The following ADTRP variants were observed in gnomAD, a reference collection of about 807,000 sequenced individuals.
The protein encoded by ADTRP is androgen dependent TFPI regulating protein, also known as androgen-dependent TFPI-regulating protein.
In ADTRP, 20 loss-of-function variants were observed where a neutral mutation model predicts 27.0. That is an observed-to-expected ratio of 0.74 (90% CI 0.52 to 1.08). The LOEUF is 1.08. ADTRP is among the 50% of genes least tolerant of loss of function. The probability of loss-of-function intolerance (pLI) is 0.00; values close to 1 mark genes in which losing one functional copy is unlikely to be tolerated. For missense variants in ADTRP, 251 were observed against 275.0 expected, an observed-to-expected ratio of 0.91 and a Z score of 0.62; for synonymous variants, 101 against 105.2, an observed-to-expected ratio of 0.96 and a Z score of 0.25.
At chr6:11,721,199 T>C (rs1762014357) in intron 5 of ADTRP, among the ~76,000 whole-genome samples, 1 of 152,150 alleles carries the variant, frequency 6.6e-6, no homozygotes, top group African/African-American at 2.4e-5. Flanking sequence ...TGCATGAGTA[T>C]GAACCAGGCA....
chr6:11,754,615 G>A (rs1404588615), intron 3 of ADTRP, among the ~76,000 whole-genome samples: 5 of 152,218 alleles, frequency 3.3e-5, no homozygotes, highest in Non-Finnish European at 5.9e-5. Flanking sequence ...CCTGGAGGTG[G>A]GAGGAAGACA....
chr6:11,717,856 G>A (rs1466877126), intron 5 of ADTRP, among the ~76,000 whole-genome samples: 1 of 152,236 alleles, frequency 6.6e-6, no homozygotes, highest in Non-Finnish European at 1.5e-5. Context: ...AAGGCAAAAT[G>A]GAGATAAATT....
At chr6:11,770,200 T>TCACAAAC (rs1441545243) in intron 1 of ADTRP, 6 of 945,520 alleles carry the variant, frequency 6.3e-6, no homozygotes, top group Non-Finnish European at 9.8e-6. Context: ...AACGACCACT[T>TCACAAAC]CACAAACCAC....
At position 11,723,384 on chromosome 6, in the gene ADTRP, T is replaced by C. The variant is rs759504746; in HGVS notation, c.623A>G (p.Tyr208Cys). The C allele has an allele frequency of 1.5e-5, 25 of 1,614,042 alleles. No homozygotes were observed. In the Middle Eastern group the frequency reaches 4.9e-4, roughly 32 times the overall value. Residue 208 changes from tyrosine to cysteine, a missense_variant, in exon 5 of 6, where the codon TAC (tyrosine) becomes TGC (cysteine). Transcript: ENST00000414691. Reference protein sequence around the residue: ...SLSYVFIASIYLLGEKLNHWK... With the variant: ...SLSYVFIASICLLGEKLNHWK... The stretch of plus-strand genomic sequence containing the variant: ...GTGGTTGAGCTTCTCTCCAAGTAGG[T>C]AGATGCTGGCGATGAAGACGTAGCT...
chr6:11,768,118 G>C (rs187452465), intron 2 of ADTRP, 131 bp downstream of exon 2: 1 of 1,141,764 alleles, frequency 8.8e-7, no homozygotes, highest in Admixed American at 2.3e-5. Flanking sequence ...GCAGTCCTCA[G>C]ACAGGACATT....
rs183127617 is a variant in ADTRP at position 11,757,237 on chromosome 6, G to A, written c.390+9037C>T. ...TGATTTTTTTTAGTAAGTCATGGAA[G>A]TGATTCCAACGCTAACCCACCCTAT... On this transcript the variant is annotated intron_variant, in intron 3 of 5. Transcript: ENST00000414691. Among the ~76,000 whole-genome samples the A allele has an allele frequency of 3.5e-4, 53 of 152,244 alleles. 1 individual carries two copies. The East Asian group carries it at 4.8e-3, about 14-fold the overall frequency.
chr6:11,725,008 C>T (rs111737564), intron 4 of ADTRP, among the ~76,000 whole-genome samples: 3 of 152,334 alleles, frequency 2.0e-5, no homozygotes, highest in Non-Finnish European at 4.4e-5. Context: ...GAATATCCCA[C>T]GTTGTCAAAG....
chr6:11,776,127 A>G (rs1763949788), intron 1 of ADTRP, among the ~76,000 whole-genome samples: 2 of 152,206 alleles, frequency 1.3e-5, no homozygotes. Context: ...CATTAAATCG[A>G]TCCTCTGAAA....
intron 3 of ADTRP, among the ~76,000 whole-genome samples, chr6:11,740,447 C>G: frequency 6.6e-6 from 1 of 151,980 alleles, no homozygotes; most frequent in Non-Finnish European, 1.5e-5. Context: ...AAACACATGA[C>G]CAAAATATCA....
At chr6:11,718,005 C>T (rs1282844704) in intron 5 of ADTRP, among the ~76,000 whole-genome samples, 1 of 152,194 alleles carries the variant, frequency 6.6e-6, no homozygotes, top group African/African-American at 2.4e-5. Flanking sequence ...ATGAATAAAA[C>T]AAGGAGGTGG....
chr6:11,741,032 G>C (rs1762699822), intron 3 of ADTRP, among the ~76,000 whole-genome samples: 1 of 152,132 alleles, frequency 6.6e-6, no homozygotes, highest in Non-Finnish European at 1.5e-5. Flanking sequence ...AGGAACTCAA[G>C]TGCACAGGCT....
rs181804704 is a variant in ADTRP at position 11,739,686 on chromosome 6, A to C, written c.391-4003T>G. On this transcript the variant is annotated intron_variant, in intron 3 of 5. Coordinates refer to ENST00000414691, the MANE Select transcript of ADTRP (RefSeq NM_032744.4). The stretch of plus-strand genomic sequence containing the variant: ...ATGATTTGAGCACTTGTTTGTACTC[A>C]CCCCCTACAGGTAGATAAGTGGCTC... Among the ~76,000 whole-genome samples the C allele has an allele frequency of 3.5e-3, 540 of 152,296 alleles. 10 individuals carry two copies. Among genetic ancestry groups the C allele is most frequent in the East Asian group, 7.7e-4 (4 of 5,188 alleles).
intron 3 of ADTRP, among the ~76,000 whole-genome samples, chr6:11,762,321 T>C (rs1763416217): frequency 1.3e-5 from 2 of 152,244 alleles, no homozygotes; most frequent in African/African-American, 4.8e-5. Flanking sequence ...AGTATGCCAC[T>C]GCCTTGTGTA....
At chr6:11,714,646 A>T in intron 5 of ADTRP, 134 bp from the exon 6 acceptor site, 1 of 972,278 alleles carries the variant, frequency 1.0e-6, no homozygotes. Context: ...GACAAGATGC[A>T]GTTTAAGGAG....
chr6:11,777,912 T>C (rs906328900), intron 1 of ADTRP, among the ~76,000 whole-genome samples: 1 of 152,244 alleles, frequency 6.6e-6, no homozygotes, highest in African/African-American at 2.4e-5. Context: ...AAAGTATTTT[T>C]TTAAGCTATT....
Position 11,713,604 on chromosome 6 carries a change from G to C in ADTRP, c.*874C>G, listed in dbSNP as rs1227442124. 6.6e-6 allele frequency: 1 copy of C among 152,206 alleles called. No homozygotes were observed. Among genetic ancestry groups the C allele is most frequent in the Non-Finnish European group, 1.5e-5 (1 of 68,050 alleles). 9.4% of individuals were successfully genotyped at this position (152,206 alleles called of 1,614,324 possible). A position where few individuals can be genotyped will look rare whatever the true frequency, so the allele number is the denominator to read the frequency against. On this transcript the variant is annotated 3_prime_UTR_variant, in exon 6 of 6. Coordinates refer to ENST00000414691, the MANE Select transcript of ADTRP (RefSeq NM_032744.4). ...ACACACTAATTCAGAAAAGTGCTTT[G>C]TAGCAAAGCAATCTCAACAGCCCTT...
chr6:11,738,911 A>G (rs978256619), intron 3 of ADTRP, among the ~76,000 whole-genome samples: 7 of 152,200 alleles, frequency 4.6e-5, no homozygotes, highest in Non-Finnish European at 8.8e-5. Flanking sequence ...GTAGGAAAAG[A>G]GCCTTCTAAA....
chr6:11,778,572 A>G, intron 1 of ADTRP, 35 bp downstream of exon 1: 1 of 1,596,278 alleles, frequency 6.3e-7, no homozygotes, highest in African/African-American at 1.3e-5. Flanking sequence ...TTCTAGAGAA[A>G]TGGATCGGTT....
intron 4 of ADTRP, among the ~76,000 whole-genome samples, chr6:11,735,052 C>T (rs1762505253): frequency 6.6e-6 from 1 of 152,134 alleles, no homozygotes; most frequent in Admixed American, 6.5e-5. Flanking sequence ...AAATCTAGGC[C>T]AGCTACAGAA....
Sources: allele counts gnomAD v4.1 joint callset (sites outside exome capture counted in the v4.1 genomes callset), GRCh38; gene constraint gnomAD v4.1.1; transcripts MANE v1.5; gene names NCBI Gene and HGNC (gene_info 2026-07-23, HGNC 2026-07-21).